The following NAV2 variants were observed in gnomAD, a reference collection of about 807,000 sequenced individuals.
The protein encoded by NAV2 is helicase, APC down-regulated 1.
A neutral mutation model predicts 223.2 loss-of-function variants in NAV2; 54 were observed. The ratio of observed to expected loss-of-function variants is 0.24; its 90% CI spans 0.19 to 0.30. The LOEUF (loss-of-function observed/expected upper bound fraction) is 0.30, where lower values mean the gene tolerates loss of function less well. Ranked by LOEUF, NAV2 falls within the 10% of genes least tolerant of loss-of-function variation. NAV2 has a pLI of 1.00. For missense variants in NAV2, 2,806 were observed against 3,147.5 expected (o/e 0.89, Z 2.60); for synonymous variants, 1,279 against 1,239.3 (o/e 1.03, Z -0.67).
intron 1 of NAV2, among the ~76,000 whole-genome samples, chr11:19,515,594 CA>C (rs1223278141): frequency 6.6e-6 from 1 of 152,136 alleles, no homozygotes; most frequent in Non-Finnish European, 1.5e-5. Context: ...AACATCTTCC[CA>C]GATGCTAATT....
intron 6 of NAV2, among the ~76,000 whole-genome samples, chr11:19,916,301 G>A (rs1204149195): frequency 5.3e-5 from 8 of 152,158 alleles, no homozygotes; most frequent in Non-Finnish European, 1.2e-4. Flanking sequence ...AGATACTAAT[G>A]TTCAGCAATG....
At chr11:19,422,627 G>A (rs1850665688) in intron 1 of NAV2, among the ~76,000 whole-genome samples, 1 of 152,124 alleles carries the variant, frequency 6.6e-6, no homozygotes, top group South Asian at 2.1e-4. Context: ...CTGCGCACTG[G>A]CCAGAAACTG....
chr11:19,657,158 A>G (rs1307774692), intron 1 of NAV2, among the ~76,000 whole-genome samples: 1 of 152,064 alleles, frequency 6.6e-6, no homozygotes, highest in African/African-American at 2.4e-5. Context: ...GAATGCCTAG[A>G]AAGTATGGAT....
chr11:20,044,609 A>C (rs2057263144), intron 13 of NAV2, among the ~76,000 whole-genome samples: 1 of 152,114 alleles, frequency 6.6e-6, no homozygotes, highest in Admixed American at 6.5e-5. Context: ...GACTTAGGGA[A>C]TATTTATAAA....
chr11:20,121,575 A>C lies in NAV2; in HGVS notation c.*3317A>C, dbSNP rs969130063. 6.5e-6 allele frequency: 1 copy of C among 152,686 alleles called. No homozygotes were observed. Among genetic ancestry groups the C allele is most frequent in the Non-Finnish European group, 1.5e-5 (1 of 68,052 alleles). 9.5% of individuals were successfully genotyped at this position (152,686 alleles called of 1,614,324 possible). ...ACCAGTCTTAAATTATTCATGATTCAATAAAATTGATGCTTATTTATTCAG... is the reference window on the plus strand; with the variant it reads ...ACCAGTCTTAAATTATTCATGATTCCATAAAATTGATGCTTATTTATTCAG... On this transcript the variant is annotated 3_prime_UTR_variant, in exon 38 of 38. Coordinates refer to ENST00000349880, the MANE Select transcript of NAV2 (RefSeq NM_145117.5).
chr11:19,631,335 C>G (rs928278318), intron 1 of NAV2, among the ~76,000 whole-genome samples: 2 of 152,030 alleles, frequency 1.3e-5, no homozygotes, highest in Admixed American at 1.3e-4. Context: ...CAATTCCCAC[C>G]TATGAGTGAG....
At chr11:19,883,394 T>G (rs2063339232) in intron 5 of NAV2, among the ~76,000 whole-genome samples, 1 of 152,188 alleles carries the variant, frequency 6.6e-6, no homozygotes, top group African/African-American at 2.4e-5. Context: ...GCCAAGAACT[T>G]AATCCACATT....
chr11:19,982,528 C>T (rs557425127), intron 10 of NAV2, among the ~76,000 whole-genome samples: 1 of 152,266 alleles, frequency 6.6e-6, no homozygotes, highest in Non-Finnish European at 1.5e-5. Context: ...AAACTTCAGT[C>T]TCTTCTGTTG....
At chr11:19,918,864 G>A (rs1019146913) in intron 6 of NAV2, among the ~76,000 whole-genome samples, 2 of 152,164 alleles carry the variant, frequency 1.3e-5, no homozygotes, top group African/African-American at 4.8e-5. Context: ...GTGATCCACA[G>A]GTCCGTAAAC....
At chr11:19,625,296 A>G (rs958451946) in intron 1 of NAV2, among the ~76,000 whole-genome samples, 2 of 152,214 alleles carry the variant, frequency 1.3e-5, no homozygotes, top group South Asian at 4.1e-4. Flanking sequence ...TTTAGTTTCT[A>G]CATATTAGTG....
At chr11:19,874,196 A>C (rs2062704951) in intron 4 of NAV2, among the ~76,000 whole-genome samples, 1 of 152,240 alleles carries the variant, frequency 6.6e-6, no homozygotes, top group South Asian at 2.1e-4. Flanking sequence ...CACAGCATCT[A>C]TGCAGATTAG....
intron 1 of NAV2, among the ~76,000 whole-genome samples, chr11:19,792,392 C>T (rs79123066): frequency 0.063 from 9,549 of 152,294 alleles, 364 homozygotes; most frequent in Middle Eastern, 0.099. Flanking sequence ...ATTGGCTCCT[C>T]GTACCAAGCC....
chr11:19,842,953 A>G (rs752975597), intron 3 of NAV2, 30 bp downstream of exon 3: 1 of 1,599,564 alleles, frequency 6.3e-7, no homozygotes, highest in South Asian at 1.1e-5. Context: ...TAAATGTTTG[A>G]GTTCTGTCAG....
chr11:20,011,815 C>T (rs868115468), intron 11 of NAV2, among the ~76,000 whole-genome samples: 8 of 152,182 alleles, frequency 5.3e-5, no homozygotes, highest in African/African-American at 1.4e-4. Flanking sequence ...TGTGGCGGAG[C>T]CATAATTTGA....
intron 7 of NAV2, among the ~76,000 whole-genome samples, chr11:19,937,541 AT>A (rs1412265331): frequency 2.0e-5 from 3 of 152,190 alleles, no homozygotes; most frequent in Non-Finnish European, 4.4e-5. Context: ...TTTCATTTTT[AT>A]AGAACCAGAG....
At chr11:19,823,312 A>C (rs1202263716) in intron 1 of NAV2, among the ~76,000 whole-genome samples, 1 of 152,116 alleles carries the variant, frequency 6.6e-6, no homozygotes, top group African/African-American at 2.4e-5. Flanking sequence ...GGTTCAAGTG[A>C]TTCTCCTGCC....
At chr11:19,611,312 TATC>T (rs2046636930) in intron 1 of NAV2, among the ~76,000 whole-genome samples, 1 of 152,152 alleles carries the variant, frequency 6.6e-6, no homozygotes. Context: ...AGCCAAACCA[TATC>T]ATTCCACCCC....
upstream of NAV2, among the ~76,000 whole-genome samples, chr11:19,346,220 G>A (rs766547596): frequency 2.6e-5 from 4 of 152,160 alleles, no homozygotes; most frequent in Non-Finnish European, 4.4e-5. Context: ...ATGGATGTGC[G>A]TCTGTAAGTC....
At chr11:19,460,432 G>C (rs1020333645) in intron 1 of NAV2, among the ~76,000 whole-genome samples, 2 of 152,084 alleles carry the variant, frequency 1.3e-5, no homozygotes, top group African/African-American at 4.8e-5. Context: ...TCAGCATGTT[G>C]CCCACCTGGC....
Sources: gnomAD v4.1 joint callset for allele counts (sites outside exome capture counted in the v4.1 genomes callset) on GRCh38, gnomAD v4.1.1 for gene constraint, MANE v1.5 for transcripts, NCBI Gene and HGNC (gene_info 2026-07-23, HGNC 2026-07-21) for gene names.